The following KCNQ3 variants were observed in gnomAD, a reference collection of about 807,000 sequenced individuals.
KCNQ3 encodes potassium voltage-gated channel subfamily Q member 3.
KCNQ3 carries 30 observed loss-of-function variants against 92.5 expected under a neutral mutation model. The observed-to-expected ratio is 0.32, with a 90% confidence interval of 0.24 to 0.44. The LOEUF is 0.44. Among genes scored for constraint, KCNQ3 ranks in the 20% least tolerant of loss-of-function variants. KCNQ3 has a pLI of 1.00. For missense variants in KCNQ3, 913 were observed against 1,140.3 expected (o/e 0.80, Z 2.87); for synonymous variants, 450 against 468.8 (o/e 0.96, Z 0.52).
chr8:132,268,785 T>G (rs1193041655), intron 1 of KCNQ3, among the ~76,000 whole-genome samples: 1 of 152,202 alleles, frequency 6.6e-6, no homozygotes, highest in African/African-American at 2.4e-5. Flanking sequence ...AGAATATGTT[T>G]CGTTTTGTAA....
At chr8:132,375,433 T>C (rs923866156) in intron 1 of KCNQ3, among the ~76,000 whole-genome samples, 5 of 152,186 alleles carry the variant, frequency 3.3e-5, no homozygotes, top group Admixed American at 3.3e-4. Flanking sequence ...CAATCTGTCT[T>C]GATCTCACTC....
At chr8:132,348,072 TTC>T (rs1818751006) in intron 1 of KCNQ3, among the ~76,000 whole-genome samples, 1 of 151,924 alleles carries the variant, frequency 6.6e-6, no homozygotes, top group African/African-American at 2.4e-5. Context: ...AGTTGGACAG[TTC>T]TCTGAGTCTC....
chr8:132,293,404 G>T (rs568232081), intron 1 of KCNQ3, among the ~76,000 whole-genome samples: 1 of 152,174 alleles, frequency 6.6e-6, no homozygotes, highest in South Asian at 2.1e-4. Context: ...TTGATTTGGG[G>T]GACACCCAGC....
chr8:132,292,157 G>T (rs1206848015), intron 1 of KCNQ3, among the ~76,000 whole-genome samples: 1 of 152,178 alleles, frequency 6.6e-6, no homozygotes, highest in African/African-American at 2.4e-5. Context: ...ATATATAAAA[G>T]GCAGAAAAAG....
intron 1 of KCNQ3, among the ~76,000 whole-genome samples, chr8:132,200,504 G>A (rs1182125981): frequency 3.3e-5 from 5 of 150,516 alleles, no homozygotes; most frequent in Admixed American, 7.0e-5. Flanking sequence ...GACATGTTAC[G>A]TGTCTAATAT....
chr8:132,214,791 G>T (rs771037699), intron 1 of KCNQ3, among the ~76,000 whole-genome samples: 15 of 152,258 alleles, frequency 9.9e-5, no homozygotes, highest in Non-Finnish European at 1.6e-4. Context: ...GACTTAGACA[G>T]ATTAGAGGTG....
intron 3 of KCNQ3, among the ~76,000 whole-genome samples, chr8:132,183,165 G>A (rs1388403477): frequency 6.6e-6 from 1 of 152,192 alleles, no homozygotes; most frequent in Non-Finnish European, 1.5e-5. Flanking sequence ...AGTGAAGAAT[G>A]AGTAGCATGC....
At chr8:132,138,346 G>C (rs1433037688) in intron 11 of KCNQ3, among the ~76,000 whole-genome samples, 1 of 152,196 alleles carries the variant, frequency 6.6e-6, no homozygotes, top group Non-Finnish European at 1.5e-5. Context: ...ATTTATAGAT[G>C]ATGTGATTGT....
chr8:132,467,617 C>G (rs1193384845), intron 1 of KCNQ3, among the ~76,000 whole-genome samples: 1 of 152,170 alleles, frequency 6.6e-6, no homozygotes, highest in South Asian at 2.1e-4. Flanking sequence ...GCCCGACCTG[C>G]GTTTACTCCT....
chr8:132,182,484 C>G (rs1419033594), intron 3 of KCNQ3, among the ~76,000 whole-genome samples: 1 of 152,232 alleles, frequency 6.6e-6, no homozygotes, highest in Admixed American at 6.5e-5. Flanking sequence ...TGCTGAGGCC[C>G]AGCCTCATCT....
At chr8:132,286,112 G>A (rs1187099812) in intron 1 of KCNQ3, among the ~76,000 whole-genome samples, 2 of 152,206 alleles carry the variant, frequency 1.3e-5, no homozygotes, top group African/African-American at 4.8e-5. Flanking sequence ...CATGGGTGGA[G>A]CCATAAAGAG....
chr8:132,467,670 C>G lies in KCNQ3; in HGVS notation c.386+12477G>C, dbSNP rs1587049733. Among the ~76,000 whole-genome samples, 3 of 152,292 alleles carry G rather than the reference C, an allele frequency of 2.0e-5. No individual in the cohort carries two copies. In the South Asian group the frequency reaches 6.2e-4, roughly 32 times the overall value. On this transcript the variant is annotated intron_variant, in intron 1 of 14. Coordinates refer to ENST00000388996, the MANE Select transcript of KCNQ3 (RefSeq NM_004519.4). The stretch of plus-strand genomic sequence containing the variant: ...AACAAACACCTCACCTCACATGGAT[C>G]AATAAGAAAATGTGGCCCTGAGTGG...
intron 4 of KCNQ3, among the ~76,000 whole-genome samples, chr8:132,179,235 T>C (rs62519583): frequency 0.051 from 7,750 of 151,830 alleles, 310 homozygotes; most frequent in Non-Finnish European, 0.074. Flanking sequence ...ACCATGAATC[T>C]AAATGAACTG....
chr8:132,312,256 T>C (rs1817615611), intron 1 of KCNQ3, among the ~76,000 whole-genome samples: 1 of 152,244 alleles, frequency 6.6e-6, no homozygotes. Flanking sequence ...TCTGTCCCTC[T>C]ACTGCACTGG....
chr8:132,380,398 G>C (rs1819715771), intron 1 of KCNQ3, among the ~76,000 whole-genome samples: 1 of 152,194 alleles, frequency 6.6e-6, no homozygotes. Context: ...TGCATAGATA[G>C]GAAGTGATTT....
At chr8:132,283,936 T>C (rs535970590) in intron 1 of KCNQ3, among the ~76,000 whole-genome samples, 147 of 152,306 alleles carry the variant, frequency 9.7e-4, no homozygotes, top group South Asian at 4.6e-3. Context: ...TTGTCAGGCA[T>C]CTACTTTTGT....
intron 1 of KCNQ3, among the ~76,000 whole-genome samples, chr8:132,217,183 T>C (rs1814058217): frequency 6.6e-6 from 1 of 152,146 alleles, no homozygotes; most frequent in Non-Finnish European, 1.5e-5. Context: ...GGAGTATTTA[T>C]ACCAGAGAAA....
At chr8:132,159,309 G>GA (rs1461683650) in intron 9 of KCNQ3, among the ~76,000 whole-genome samples, 1 of 152,026 alleles carries the variant, frequency 6.6e-6, no homozygotes, top group African/African-American at 2.4e-5. Flanking sequence ...ATTCTTTGAG[G>GA]AAAAAAGGGC....
chr8:132,350,891 G>A (rs921452538), intron 1 of KCNQ3, among the ~76,000 whole-genome samples: 1 of 152,102 alleles, frequency 6.6e-6, no homozygotes, highest in Admixed American at 6.5e-5. Context: ...CAAGAGAGAG[G>A]AATTTTTTTT....
Sources: allele counts gnomAD v4.1 joint callset (sites outside exome capture counted in the v4.1 genomes callset), GRCh38; gene constraint gnomAD v4.1.1; transcripts MANE v1.5; gene names NCBI Gene and HGNC (gene_info 2026-07-23, HGNC 2026-07-21).